NTNG1: variants seen among roughly 807,000 people sequenced by gnomAD.
The protein encoded by NTNG1 is netrin-G1.
NTNG1 carries 16 observed loss-of-function variants against 54.0 expected under a neutral mutation model. The observed-to-expected ratio is 0.30, with a 90% CI of 0.20 to 0.45. The LOEUF (loss-of-function observed/expected upper bound fraction) is 0.45, where lower values mean the gene tolerates loss of function less well. NTNG1 is among the 20% of genes least tolerant of loss of function. NTNG1 has a pLI of 1.00. For missense variants in NTNG1, 530 were observed against 678.7 expected (o/e 0.78, Z 2.43); for synonymous variants, 255 against 263.1 (o/e 0.97, Z 0.30).
chr1:107,223,495 T>C (rs192037874), intron 2 of NTNG1, among the ~76,000 whole-genome samples: 2 of 152,244 alleles, frequency 1.3e-5, no homozygotes, highest in South Asian at 2.1e-4. Context: ...TCCTTACTAA[T>C]AGAATATTTA....
chr1:107,373,683 CT>C (rs1205375963), intron 3 of NTNG1, among the ~76,000 whole-genome samples: 1 of 147,856 alleles, frequency 6.8e-6, no homozygotes, highest in African/African-American at 2.5e-5. Context: ...ATTCAGCCTT[CT>C]TTTTTATTTT....
chr1:107,258,700 C>T (rs1200971126), intron 2 of NTNG1, among the ~76,000 whole-genome samples: 1 of 152,162 alleles, frequency 6.6e-6, no homozygotes, highest in Non-Finnish European at 1.5e-5. Flanking sequence ...GATTTGAACT[C>T]AGGGTCCATC....
intron 3 of NTNG1, among the ~76,000 whole-genome samples, chr1:107,382,947 A>T (rs767655997): frequency 3.9e-5 from 6 of 152,220 alleles, no homozygotes; most frequent in Admixed American, 6.5e-5. Flanking sequence ...ATTAGAAGAA[A>T]GCTATTTTCC....
intron 2 of NTNG1, 71 bp downstream of exon 2, chr1:107,148,910 G>A: frequency 6.9e-7 from 1 of 1,439,906 alleles, no homozygotes; most frequent in Non-Finnish European, 9.6e-7. Flanking sequence ...CAGATGTGGT[G>A]AGTGTGAAGA....
chr1:107,283,475 A>G (rs558394872), intron 2 of NTNG1, among the ~76,000 whole-genome samples: 1 of 152,312 alleles, frequency 6.6e-6, no homozygotes, highest in East Asian at 1.9e-4. Flanking sequence ...ATGTTAGTGC[A>G]AATAACCTTG....
At chr1:107,295,011 C>T (rs553304992) in intron 2 of NTNG1, among the ~76,000 whole-genome samples, 4 of 152,294 alleles carry the variant, frequency 2.6e-5, no homozygotes, top group Admixed American at 2.6e-4. Context: ...TGCCCTTTTG[C>T]AAATTCCATT....
intron 3 of NTNG1, among the ~76,000 whole-genome samples, chr1:107,342,308 T>G (rs1442411739): frequency 6.6e-6 from 1 of 152,052 alleles, no homozygotes; most frequent in African/African-American, 2.4e-5. Context: ...GAAGCATTAA[T>G]AGAATGATAA....
chr1:107,289,067 T>G (rs896934030), intron 2 of NTNG1, among the ~76,000 whole-genome samples: 1 of 152,196 alleles, frequency 6.6e-6, no homozygotes, highest in African/African-American at 2.4e-5. Context: ...CAGCTTCTCT[T>G]TATTCTTGTC....
intron 2 of NTNG1, among the ~76,000 whole-genome samples, chr1:107,288,312 G>A (rs1478033708): frequency 6.6e-6 from 1 of 152,120 alleles, no homozygotes; most frequent in Non-Finnish European, 1.5e-5. Flanking sequence ...GTTTCCATGG[G>A]ACATTCAGAC....
intron 3 of NTNG1, among the ~76,000 whole-genome samples, chr1:107,379,218 G>A (rs1218859079): frequency 2.0e-5 from 3 of 152,138 alleles, no homozygotes; most frequent in Non-Finnish European, 4.4e-5. Flanking sequence ...GAAACCTCAA[G>A]GTCTGGAACT....
chr1:107,445,851 A>G (rs530999770), intron 7 of NTNG1, among the ~76,000 whole-genome samples: 2 of 152,188 alleles, frequency 1.3e-5, no homozygotes, highest in African/African-American at 2.4e-5. Context: ...TTTTTTATGG[A>G]TGCTGAAATT....
chr1:107,328,035 T>A (rs1486289272), intron 3 of NTNG1, among the ~76,000 whole-genome samples: 2 of 152,134 alleles, frequency 1.3e-5, no homozygotes, highest in African/African-American at 4.8e-5. Flanking sequence ...AAAAGTGTAA[T>A]CTCATCATAA....
At chr1:107,459,962 C>G (rs1677180983) in intron 7 of NTNG1, among the ~76,000 whole-genome samples, 1 of 152,168 alleles carries the variant, frequency 6.6e-6, no homozygotes, top group Non-Finnish European at 1.5e-5. Context: ...AGCAAATGAA[C>G]TTTTGAAGTA....
intron 2 of NTNG1, among the ~76,000 whole-genome samples, chr1:107,184,948 G>C (rs978886696): frequency 6.6e-6 from 1 of 152,122 alleles, no homozygotes; most frequent in Non-Finnish European, 1.5e-5. Context: ...AACAGCTGGG[G>C]ACAAGTTGAC....
At chr1:107,308,202 G>C (rs1423224814) in intron 2 of NTNG1, among the ~76,000 whole-genome samples, 1 of 151,956 alleles carries the variant, frequency 6.6e-6, no homozygotes, top group Admixed American at 6.6e-5. Flanking sequence ...ATTGTTTTTG[G>C]CATATTCATC....
At chr1:107,460,617 CT>C (rs1049456962) in intron 7 of NTNG1, among the ~76,000 whole-genome samples, 2 of 151,996 alleles carry the variant, frequency 1.3e-5, no homozygotes, top group Admixed American at 6.6e-5. Context: ...TCGATAGCTT[CT>C]TTTTTTTGAC....
chr1:107,471,458 C>T (rs1291833075), intron 7 of NTNG1, among the ~76,000 whole-genome samples: 1 of 152,166 alleles, frequency 6.6e-6, no homozygotes, highest in Non-Finnish European at 1.5e-5. Flanking sequence ...ACACCATCAA[C>T]ATTGCAAAAG....
At chr1:107,370,710 G>C (rs907157756) in intron 3 of NTNG1, among the ~76,000 whole-genome samples, 4 of 151,934 alleles carry the variant, frequency 2.6e-5, no homozygotes, top group Non-Finnish European at 5.9e-5. Flanking sequence ...ACAATATTGA[G>C]TCTTCTGGCC....
intron 4 of NTNG1, among the ~76,000 whole-genome samples, chr1:107,395,839 G>C (rs1672649281): frequency 6.6e-6 from 1 of 152,150 alleles, no homozygotes; most frequent in African/African-American, 2.4e-5. Flanking sequence ...CCAAACTCCA[G>C]CAATTGAAAC....
Sources: gnomAD v4.1 joint callset for allele counts (sites outside exome capture counted in the v4.1 genomes callset) on GRCh38, gnomAD v4.1.1 for gene constraint, MANE v1.5 for transcripts, NCBI Gene and HGNC (gene_info 2026-07-23, HGNC 2026-07-21) for gene names.